Variants in IL1RAPL2 observed in about 807,000 individuals in gnomAD.
IL1RAPL2 encodes the protein interleukin 1 receptor accessory protein like 2.
A neutral mutation model predicts 44.1 loss-of-function variants in IL1RAPL2; 3 were observed. The observed-to-expected ratio is 0.07, with a 90% CI of 0.03 to 0.18. IL1RAPL2 has a LOEUF of 0.18. Ranked by LOEUF, IL1RAPL2 falls within the 10% of genes least tolerant of loss-of-function variation. The pLI is 1.00. For missense variants in IL1RAPL2, 391 were observed against 496.4 expected, an observed-to-expected ratio of 0.79 and a Z score of 2.02; for synonymous variants, 181 against 178.8, an observed-to-expected ratio of 1.01 and a Z score of -0.10.
intron 6 of IL1RAPL2, among the ~76,000 whole-genome samples, chrX:105,638,512 T>G (rs1000843685): frequency 7.2e-5 from 8 of 111,345 alleles, no homozygotes; most frequent in African/African-American, 2.6e-4. Context: ...TGCGGAAAGT[T>G]TTTTCTTGTA....
chrX:105,006,570 A>G (rs1162540427), intron 2 of IL1RAPL2, among the ~76,000 whole-genome samples: 3 of 111,136 alleles, frequency 2.7e-5, no homozygotes, highest in Non-Finnish European at 5.7e-5. Context: ...GAAGATGCGA[A>G]TGACTAATCC....
At chrX:105,384,757 A>ATT (rs761596713) in intron 5 of IL1RAPL2, among the ~76,000 whole-genome samples, 16 of 111,123 alleles carry the variant, frequency 1.4e-4, no homozygotes, top group African/African-American at 5.2e-4. Context: ...GTAGCTGTCC[A>ATT]TTTTTTGTGT....
chrX:104,666,377 T>G (rs905950393), intron 2 of IL1RAPL2, among the ~76,000 whole-genome samples: 3 of 112,013 alleles, frequency 2.7e-5, no homozygotes, highest in Admixed American at 9.5e-5. Flanking sequence ...AGCTGGAAAG[T>G]CCGAAAACAA....
At chrX:105,495,883 GT>G (rs2036353452) in intron 6 of IL1RAPL2, among the ~76,000 whole-genome samples, 1 of 111,473 alleles carries the variant, frequency 9.0e-6, no homozygotes, top group Non-Finnish European at 1.9e-5. Flanking sequence ...TGAAAAACTG[GT>G]TCAGGCCATG....
At chrX:105,063,022 T>C (rs2032094099) in intron 2 of IL1RAPL2, among the ~76,000 whole-genome samples, 1 of 111,503 alleles carries the variant, frequency 9.0e-6, no homozygotes, top group African/African-American at 3.3e-5. Flanking sequence ...ATAAACTTCG[T>C]AGCCCTATTT....
At chrX:105,487,496 A>T (rs1341206906) in intron 6 of IL1RAPL2, among the ~76,000 whole-genome samples, 1 of 112,213 alleles carries the variant, frequency 8.9e-6, no homozygotes, top group East Asian at 2.8e-4. Flanking sequence ...AAACAACTTT[A>T]TTGACAGAAA....
At chrX:105,507,292 C>T (rs770901499) in intron 6 of IL1RAPL2, among the ~76,000 whole-genome samples, 3 of 111,954 alleles carry the variant, frequency 2.7e-5, no homozygotes, top group Non-Finnish European at 5.6e-5. Flanking sequence ...TTTTCGACAA[C>T]GTATAATTTT....
At chrX:105,164,990 G>A (rs1224437681) in intron 2 of IL1RAPL2, among the ~76,000 whole-genome samples, 1 of 111,008 alleles carries the variant, frequency 9.0e-6, no homozygotes, top group Non-Finnish European at 1.9e-5. Flanking sequence ...TGTCTCATAG[G>A]CACCTCCAGC....
At chrX:104,667,787 G>A (rs978888160) in intron 2 of IL1RAPL2, among the ~76,000 whole-genome samples, 2 of 111,615 alleles carry the variant, frequency 1.8e-5, no homozygotes, top group Non-Finnish European at 3.8e-5. Context: ...TGATTCCAAA[G>A]TTTATGCTCT....
At chrX:105,310,920 C>T (rs140435787) in intron 5 of IL1RAPL2, among the ~76,000 whole-genome samples, 39 of 111,661 alleles carry the variant, frequency 3.5e-4, no homozygotes, top group African/African-American at 1.2e-3. Flanking sequence ...GTAAAAATCT[C>T]TGACTTCTCA....
intron 1 of IL1RAPL2, chrX:104,647,192 G>A (rs1283292213): frequency 1.2e-5 from 4 of 326,062 alleles, no homozygotes; most frequent in Non-Finnish European, 2.3e-5. Flanking sequence ...TGCAGGCAGG[G>A]TGGGCCCCCA....
intron 5 of IL1RAPL2, among the ~76,000 whole-genome samples, chrX:105,321,555 T>C (rs6621962): frequency 9.0e-6 from 1 of 111,692 alleles, no homozygotes; most frequent in African/African-American, 3.3e-5. Flanking sequence ...GCCCTGTGCA[T>C]CTGCACAGAT....
In IL1RAPL2 at chrX:105,035,208, T is replaced by C. The variant is rs2031605946; in HGVS notation, c.83-160267T>C. Among the ~76,000 whole-genome samples the C allele has an allele frequency of 3.6e-5, 4 of 111,693 alleles. No individual in the cohort carries two copies. The South Asian group carries it at 1.5e-3, about 42-fold the overall frequency. On this transcript the variant is annotated intron_variant, in intron 2 of 10. Transcript: ENST00000372582. ...GCACTTCCCGAGTGAGGCAATGCCT[T>C]ATCCTGCTTCGGCTCACGCACGGTG...
At chrX:104,752,910 G>C (rs1208729824) in intron 2 of IL1RAPL2, among the ~76,000 whole-genome samples, 1 of 109,935 alleles carries the variant, frequency 9.1e-6, no homozygotes, top group Non-Finnish European at 1.9e-5. Context: ...CCCTTGACCA[G>C]GTCATGGTCT....
chrX:105,425,036 C>A (rs1381602106), intron 5 of IL1RAPL2, among the ~76,000 whole-genome samples: 1 of 110,459 alleles, frequency 9.1e-6, no homozygotes, highest in African/African-American at 3.3e-5. Context: ...TGAAAGAAAT[C>A]CAGGGCAGCT....
intron 6 of IL1RAPL2, among the ~76,000 whole-genome samples, chrX:105,489,821 CTT>C (rs2082670149): frequency 1.1e-5 from 1 of 90,397 alleles, no homozygotes; most frequent in Non-Finnish European, 2.2e-5. Context: ...CTCTCTCTCT[CTT>C]TCTTTTTCTT....
At chrX:105,284,272 C>T (rs2034554336) in intron 5 of IL1RAPL2, among the ~76,000 whole-genome samples, 1 of 112,166 alleles carries the variant, frequency 8.9e-6, no homozygotes, top group Non-Finnish European at 1.9e-5. Context: ...ATTCCATTTC[C>T]ACACATTAGG....
At chrX:104,951,069 C>T (rs748577888) in intron 2 of IL1RAPL2, among the ~76,000 whole-genome samples, 56 of 111,962 alleles carry the variant, frequency 5.0e-4, no homozygotes, top group African/African-American at 1.8e-3. Flanking sequence ...CTGACCTGCG[C>T]CCACTGTCTG....
intron 7 of IL1RAPL2, among the ~76,000 whole-genome samples, chrX:105,739,656 T>A (rs1029760648): frequency 1.9e-5 from 2 of 107,857 alleles, no homozygotes; most frequent in Admixed American, 1.0e-4. Flanking sequence ...ATTTCATCCA[T>A]GTCCCTGCAA....
Sources: allele counts gnomAD v4.1 joint callset (sites outside exome capture counted in the v4.1 genomes callset), GRCh38; gene constraint gnomAD v4.1.1; transcripts MANE v1.5; gene names NCBI Gene and HGNC (gene_info 2026-07-23, HGNC 2026-07-21).